LIN9: variants seen among roughly 807,000 people sequenced by gnomAD.
The protein encoded by LIN9 is protein lin-9 homolog.
Under a neutral mutation model 78.0 loss-of-function variants are expected in LIN9, and 18 were observed. The observed-to-expected ratio is 0.23, with a 90% CI of 0.16 to 0.34. The LOEUF (loss-of-function observed/expected upper bound fraction) is 0.34. Ranked by LOEUF, LIN9 falls within the 10% of genes least tolerant of loss-of-function variation. LIN9 has a pLI of 1.00. For missense variants in LIN9, 451 were observed against 644.1 expected (o/e 0.70, Z 3.25); for synonymous variants, 192 against 215.2 (o/e 0.89, Z 0.94).
At chr1:226,301,255 G>C (rs1662519790) in intron 1 of LIN9, 50 bp from the exon 2 acceptor site, 4 of 1,428,418 alleles carry the variant, frequency 2.8e-6, no homozygotes, top group Non-Finnish European at 3.9e-6. Context: ...ACCAAAGTGA[G>C]AGAAAAAGAC....
At chr1:226,305,746 G>C (rs904977986) in intron 1 of LIN9, among the ~76,000 whole-genome samples, 1 of 152,018 alleles carries the variant, frequency 6.6e-6, no homozygotes, top group African/African-American at 2.4e-5. Context: ...GGGGACAAGT[G>C]GTAAAACATA....
chr1:226,250,678 G>A (rs1437656082), intron 11 of LIN9, among the ~76,000 whole-genome samples, 161 bp downstream of exon 11: 1 of 152,142 alleles, frequency 6.6e-6, no homozygotes, highest in Non-Finnish European at 1.5e-5. Context: ...AGCCTCCCAA[G>A]AAGGTGGACT....
chr1:226,293,418 T>A (rs956553582), intron 4 of LIN9, among the ~76,000 whole-genome samples: 1 of 152,250 alleles, frequency 6.6e-6, no homozygotes, highest in Non-Finnish European at 1.5e-5. Flanking sequence ...TTGTGAATCA[T>A]CTAGATTATC....
At chr1:226,289,655 C>T (rs559913914) in intron 4 of LIN9, among the ~76,000 whole-genome samples, 1 of 151,994 alleles carries the variant, frequency 6.6e-6, no homozygotes, top group Non-Finnish European at 1.5e-5. Context: ...AGCTGCCATG[C>T]CCAGCCAAAA....
intron 7 of LIN9, among the ~76,000 whole-genome samples, chr1:226,277,536 A>G (rs373023972): frequency 6.6e-5 from 10 of 152,228 alleles, no homozygotes; most frequent in South Asian, 2.1e-4. Context: ...GTGAAAAATC[A>G]AAGTCACTAA....
At chr1:226,275,456 G>A (rs1660583715) in intron 7 of LIN9, among the ~76,000 whole-genome samples, 1 of 152,162 alleles carries the variant, frequency 6.6e-6, no homozygotes, top group Non-Finnish European at 1.5e-5. Flanking sequence ...AGCACTTTGG[G>A]AGGCCGAGGC....
intron 10 of LIN9, among the ~76,000 whole-genome samples, chr1:226,253,543 C>T (rs908692826): frequency 6.6e-5 from 10 of 151,042 alleles, no homozygotes; most frequent in African/African-American, 2.4e-4. Flanking sequence ...GATCCATTAG[C>T]CTCAGCCTCC....
At position 226,259,850 on chromosome 1, in the gene LIN9, C is replaced by T. The variant is rs189196018; in HGVS notation, c.1038+5683G>A. Among the ~76,000 whole-genome samples, 7 of 150,836 alleles carry T rather than the reference C, an allele frequency of 4.6e-5. No individual in the cohort carries two copies. In the East Asian group the frequency reaches 1.4e-3, roughly 29 times the overall value. On this transcript the variant is annotated intron_variant, in intron 10 of 14. Transcript: ENST00000681046. ...ACTTAAAATCAGTAATTTAAGCTTC[C>T]ACCTTAGGAAACTAAAAAAAAAAAA... is the stretch of plus-strand genomic sequence containing the variant.
intron 12 of LIN9, among the ~76,000 whole-genome samples, chr1:226,234,482 G>A (rs776153705): frequency 1.3e-5 from 2 of 152,112 alleles, no homozygotes; most frequent in Non-Finnish European, 2.9e-5. Context: ...AATTGTCCCA[G>A]ATTTGGCCAG....
At chr1:226,277,231 A>AG (rs1660725976) in intron 7 of LIN9, among the ~76,000 whole-genome samples, 1 of 149,486 alleles carries the variant, frequency 6.7e-6, no homozygotes, top group African/African-American at 2.4e-5. Context: ...AAAAAAAAAA[A>AG]AAAAACTTTA....
chr1:226,258,828 T>C (rs1343715575), intron 10 of LIN9, among the ~76,000 whole-genome samples: 1 of 134,052 alleles, frequency 7.5e-6, no homozygotes, highest in Non-Finnish European at 1.5e-5. Context: ...GATGTGGAGC[T>C]TGCAGTGAGC....
chr1:226,304,958 G>C (rs570669174), intron 1 of LIN9, among the ~76,000 whole-genome samples: 1 of 152,126 alleles, frequency 6.6e-6, no homozygotes, highest in African/African-American at 2.4e-5. Flanking sequence ...CAGCACTTTG[G>C]GGGGCTAAAT....
intron 5 of LIN9, among the ~76,000 whole-genome samples, chr1:226,287,390 G>A (rs1234777357): frequency 6.6e-6 from 1 of 152,070 alleles, no homozygotes; most frequent in Non-Finnish European, 1.5e-5. Context: ...GGTGTTTTAA[G>A]GTATCTCTAC....
intron 6 of LIN9, among the ~76,000 whole-genome samples, chr1:226,284,884 T>TA (rs2102620769): frequency 6.6e-6 from 1 of 152,356 alleles, no homozygotes; most frequent in Admixed American, 6.5e-5. Flanking sequence ...CCTGGTAGTT[T>TA]ATCTTCCTTT....
intron 7 of LIN9, among the ~76,000 whole-genome samples, chr1:226,272,978 G>A (rs1462917905): frequency 1.3e-5 from 2 of 152,114 alleles, no homozygotes; most frequent in African/African-American, 2.4e-5. Context: ...CCCACGACCT[G>A]GTGTTGGGTC....
At chr1:226,234,145 C>T (rs930893422) in intron 12 of LIN9, among the ~76,000 whole-genome samples, 1 of 152,182 alleles carries the variant, frequency 6.6e-6, no homozygotes, top group Admixed American at 6.5e-5. Flanking sequence ...TGCCAGATTT[C>T]CCTACAGTAA....
At position 226,260,627 on chromosome 1, in the gene LIN9, A is replaced by AG. The variant is rs1558171792; in HGVS notation, c.1038+4905dup. Among the ~76,000 whole-genome samples the AG allele has an allele frequency of 1.1e-3, 76 of 70,854 alleles. 1 individual carries two copies. Among genetic ancestry groups the AG allele is most frequent in the Admixed American group, 8.7e-3 (50 of 5,762 alleles). The allele number at this position is 70,854 out of a possible 152,430, so 46.5% of individuals were successfully genotyped here. A position where few individuals can be genotyped will look rare whatever the true frequency, so the allele number is the denominator to read the frequency against. ...AAGAATTTAAGATCACGGCCAAATG[A>AG]GTTTTTTTTTTTTTTTTTTTTTTTT... On this transcript the variant is annotated intron_variant, in intron 10 of 14. Transcript: ENST00000681046.
At chr1:226,306,888 T>C (rs1308169689) in intron 1 of LIN9, among the ~76,000 whole-genome samples, 5 of 152,246 alleles carry the variant, frequency 3.3e-5, no homozygotes, top group Non-Finnish European at 7.3e-5. Context: ...ATACTTGATT[T>C]GTGGCACTGT....
chr1:226,239,644 TATAAGA>T (rs1657974953), intron 11 of LIN9, among the ~76,000 whole-genome samples: 1 of 152,366 alleles, frequency 6.6e-6, no homozygotes, highest in African/African-American at 2.4e-5. Context: ...AAATGGGGAT[TATAAGA>T]ATATCTATCT....
Sources: allele counts gnomAD v4.1 joint callset (sites outside exome capture counted in the v4.1 genomes callset), GRCh38; gene constraint gnomAD v4.1.1; transcripts MANE v1.5; gene names NCBI Gene and HGNC (gene_info 2026-07-23, HGNC 2026-07-21).